The following CABCOCO1 variants were observed in gnomAD, a reference collection of about 807,000 sequenced individuals.
CABCOCO1 encodes ciliary-associated calcium-binding coiled-coil protein 1.
CABCOCO1 carries 28 observed loss-of-function variants against 35.7 expected under a neutral mutation model. That is an observed-to-expected ratio of 0.78 (90% CI 0.58 to 1.07). The LOEUF (loss-of-function observed/expected upper bound fraction) is 1.07. Ranked by LOEUF, CABCOCO1 falls within the 50% of genes least tolerant of loss-of-function variation. The probability of loss-of-function intolerance (pLI) is 0.00; values close to 1 mark genes in which losing one functional copy is unlikely to be tolerated. For synonymous variants in CABCOCO1, 95 were observed against 100.1 expected (o/e 0.95, Z 0.30); for missense variants, 326 against 309.2 (o/e 1.05, Z -0.41).
rs531304431 is a variant in CABCOCO1 at position 61,690,134 on chromosome 10, T to C, written c.480-415T>C. Among the ~76,000 whole-genome samples, 6 of 152,272 alleles carry C rather than the reference T, an allele frequency of 3.9e-5. No homozygotes were observed. In the East Asian group the frequency reaches 1.2e-3, roughly 29 times the overall value. The stretch of plus-strand genomic sequence containing the variant: ...AAGTAATTGACATAGAGGTAGATTA[T>C]ATAATTCAGTGCCATTTGTACCAGA... On this transcript the variant is annotated intron_variant, in intron 4 of 7. Coordinates refer to ENST00000648843, the MANE Select transcript of CABCOCO1 (RefSeq NM_001366906.2).
chr10:61,708,852 T>A (rs1373774681), intron 5 of CABCOCO1, among the ~76,000 whole-genome samples: 1 of 152,170 alleles, frequency 6.6e-6, no homozygotes, highest in Non-Finnish European at 1.5e-5. Flanking sequence ...TCCATAAATT[T>A]TATTTTCCTT....
chr10:61,708,131 A>T (rs1237995825), intron 5 of CABCOCO1, among the ~76,000 whole-genome samples: 1 of 151,122 alleles, frequency 6.6e-6, no homozygotes, highest in Non-Finnish European at 1.5e-5. Flanking sequence ...TAACCTTGGG[A>T]TCAGGCTCCA....
intron 5 of CABCOCO1, among the ~76,000 whole-genome samples, chr10:61,754,059 A>C (rs1324405769): frequency 6.6e-6 from 1 of 152,156 alleles, no homozygotes; most frequent in African/African-American, 2.4e-5. Flanking sequence ...AATTATAAGT[A>C]ATAATAGTAA....
rs1589123938 is a variant in CABCOCO1, at chr10:61,690,590, C to T, written c.521C>T (p.Ser174Phe). Residue 174 changes from serine (S) to phenylalanine (F), a missense_variant, in exon 5 of 8, where the codon TCT becomes TTT. Transcript: ENST00000648843. ...AAGCTATACGAGTTTATGTTCTACT[C>T]TGCCAGGGAAGAAATTGTGATAGGA... ...HYKLYEFMFY[S>F]AREEIVIGTE... is the part of the protein sequence containing the mutation. 2 of 1,606,704 alleles carry T rather than the reference C, an allele frequency of 1.2e-6. No individual in the cohort carries two copies. The highest frequency in any genetic ancestry group is 4.5e-5 in the East Asian group (2 of 44,626).
At chr10:61,665,282 T>G (rs930264064) in intron 1 of CABCOCO1, among the ~76,000 whole-genome samples, 6 of 152,194 alleles carry the variant, frequency 3.9e-5, no homozygotes, top group Admixed American at 3.3e-4. Context: ...CAAGCAGATA[T>G]GAGATGCAGA....
intron 5 of CABCOCO1, among the ~76,000 whole-genome samples, chr10:61,737,705 C>A (rs971516301): frequency 6.6e-6 from 1 of 152,162 alleles, no homozygotes; most frequent in African/African-American, 2.4e-5. Flanking sequence ...AACACAGGAA[C>A]AGGAAACCAA....
intron 1 of CABCOCO1, among the ~76,000 whole-genome samples, chr10:61,663,375 T>G (rs76381338): frequency 5.4e-5 from 8 of 147,690 alleles, no homozygotes; most frequent in Non-Finnish European, 1.2e-4. Flanking sequence ...TTTTTCATGT[T>G]TTTTTTTTTT....
intron 5 of CABCOCO1, among the ~76,000 whole-genome samples, chr10:61,745,133 A>G (rs1841629462): frequency 1.3e-5 from 2 of 152,204 alleles, no homozygotes; most frequent in African/African-American, 4.8e-5. Context: ...TTCATAGTCT[A>G]TGACCAGAGG....
intron 1 of CABCOCO1, among the ~76,000 whole-genome samples, chr10:61,668,702 A>C (rs564739006): frequency 1.2e-4 from 18 of 151,772 alleles, no homozygotes; most frequent in East Asian, 9.7e-4. Context: ...GCTTTTACTT[A>C]TTTTTCTTTC....
chr10:61,690,708 A>G (rs1840112204), intron 5 of CABCOCO1, 87 bp downstream of exon 5: 4 of 779,726 alleles, frequency 5.1e-6, no homozygotes, highest in Non-Finnish European at 6.4e-6. Flanking sequence ...GCTTAAAGCA[A>G]CTTCTTGTCA....
At chr10:61,741,302 A>T (rs1249119408) in intron 5 of CABCOCO1, among the ~76,000 whole-genome samples, 1 of 152,198 alleles carries the variant, frequency 6.6e-6, no homozygotes, top group Non-Finnish European at 1.5e-5. Flanking sequence ...ATATGACAAC[A>T]TTAAAAATAG....
At position 61,759,008 on chromosome 10, in the gene CABCOCO1, GT is replaced by G. The variant is rs1365435567; in HGVS notation, c.553-1043del. ...AATGAATGCATTATTATTTCATTGG[GT>G]TTTTTTTCAGGCTTCACAGGATGAT... On this transcript the variant is annotated intron_variant, in intron 5 of 7. Coordinates refer to ENST00000648843, the MANE Select transcript of CABCOCO1 (RefSeq NM_001366906.2). 5.9e-5 allele frequency among the ~76,000 whole-genome samples: 9 copies of G among 151,420 alleles called. No homozygotes were observed. In the East Asian group the frequency reaches 1.4e-3, roughly 23 times the overall value.
chr10:61,704,101 G>C (rs1005450323), intron 5 of CABCOCO1, among the ~76,000 whole-genome samples: 2 of 152,066 alleles, frequency 1.3e-5, no homozygotes, highest in African/African-American at 4.8e-5. Context: ...GCAGGCACCT[G>C]CAATCCCAGC....
At chr10:61,699,272 C>T (rs570441549) in intron 5 of CABCOCO1, among the ~76,000 whole-genome samples, 16 of 152,146 alleles carry the variant, frequency 1.1e-4, no homozygotes, top group Admixed American at 2.6e-4. Context: ...CCTTTTTCTC[C>T]GAAGCACAGA....
At chr10:61,686,369 T>C (rs1839964706) in intron 4 of CABCOCO1, among the ~76,000 whole-genome samples, 184 bp downstream of exon 4, 3 of 152,092 alleles carry the variant, frequency 2.0e-5, no homozygotes, top group Non-Finnish European at 4.4e-5. Context: ...TTTCACCTAA[T>C]AACTAAAAGT....
At chr10:61,740,962 C>T (rs1006944415) in intron 5 of CABCOCO1, among the ~76,000 whole-genome samples, 6 of 152,142 alleles carry the variant, frequency 3.9e-5, no homozygotes, top group Admixed American at 2.6e-4. Flanking sequence ...GCCTGACCAA[C>T]ATGGTGAAAC....
At chr10:61,679,239 A>T (rs1839621213) in intron 2 of CABCOCO1, among the ~76,000 whole-genome samples, 1 of 152,150 alleles carries the variant, frequency 6.6e-6, no homozygotes, top group Non-Finnish European at 1.5e-5. Context: ...GCAGGAGAAA[A>T]TATAAGGAAG....
chr10:61,723,734 A>T lies in CABCOCO1; in HGVS notation c.552+33113A>T, dbSNP rs564334225. On this transcript the variant is annotated intron_variant, in intron 5 of 7. Coordinates refer to ENST00000648843, the MANE Select transcript of CABCOCO1 (RefSeq NM_001366906.2). ...TTTTAATAAGGACACTAATTCTATC[A>T]GATCCAGGACCCCACCCTTAGGACT... Among the ~76,000 whole-genome samples the T allele has an allele frequency of 2.0e-5, 3 of 152,302 alleles. No homozygotes were observed. The East Asian group carries it at 5.8e-4, about 29-fold the overall frequency.
At chr10:61,713,329 AT>A (rs1840778017) in intron 5 of CABCOCO1, among the ~76,000 whole-genome samples, 2 of 152,146 alleles carry the variant, frequency 1.3e-5, no homozygotes, top group South Asian at 4.1e-4. Flanking sequence ...GTGTATAAGA[AT>A]GCCTTGTGAT....
Sources: allele counts gnomAD v4.1 joint callset (sites outside exome capture counted in the v4.1 genomes callset), GRCh38; gene constraint gnomAD v4.1.1; transcripts MANE v1.5; gene names NCBI Gene and HGNC (gene_info 2026-07-23, HGNC 2026-07-21).